The following ROCK2 variants were observed in gnomAD, a reference collection of about 807,000 sequenced individuals.
The protein encoded by ROCK2 is rho-associated protein kinase 2.
A neutral mutation model predicts 195.1 loss-of-function variants in ROCK2; 61 were observed. That is an observed-to-expected ratio of 0.31 (90% CI 0.25 to 0.39). The LOEUF is 0.39. Ranked by LOEUF, ROCK2 falls within the 10% of genes least tolerant of loss-of-function variation. The pLI, the probability that ROCK2 is intolerant of heterozygous loss-of-function variation, is 1.00. For synonymous variants in ROCK2, 504 were observed against 545.5 expected (o/e 0.92, Z 1.06); for missense variants, 1,109 against 1,637.4 (o/e 0.68, Z 5.57).
chr2:11,183,441 C>A lies in ROCK2; in HGVS notation c.4164-1G>T. The stretch of plus-strand genomic sequence containing the variant: ...GACTGCTTTCATAGAAGGCAGTTAG[C>A]TGAAAAGAAAGGAAAAATAAAGTTA... On this transcript the variant is annotated splice_acceptor_variant, in intron 32 of 32. Coordinates refer to ENST00000315872, the MANE Select transcript of ROCK2 (RefSeq NM_004850.5). LOFTEE classifies it high-confidence loss of function. 1 of 1,592,598 alleles carries A rather than the reference C, an allele frequency of 6.3e-7. No individual in the cohort carries two copies. Among genetic ancestry groups the A allele is most frequent in the Non-Finnish European group, 8.6e-7 (1 of 1,165,644 alleles).
chr2:11,306,824 T>TC (rs749671341), intron 1 of ROCK2, among the ~76,000 whole-genome samples: 4 of 152,126 alleles, frequency 2.6e-5, no homozygotes, highest in Non-Finnish European at 4.4e-5. Context: ...AGCCAGCTAA[T>TC]ACAGCAAGAA....
intron 3 of ROCK2, 31 bp from the exon 4 acceptor site, chr2:11,249,829 A>C (rs762699658): frequency 2.8e-6 from 4 of 1,435,256 alleles, no homozygotes; most frequent in Non-Finnish European, 3.7e-6. Context: ...AAAAATTAAT[A>C]CTTTCATGTT....
chr2:11,264,908 A>C (rs1342250702), intron 3 of ROCK2, among the ~76,000 whole-genome samples: 1 of 152,222 alleles, frequency 6.6e-6, no homozygotes, highest in African/African-American at 2.4e-5. Context: ...GGTGAAGTCT[A>C]TATTTATTGA....
intron 1 of ROCK2, among the ~76,000 whole-genome samples, chr2:11,341,584 T>A (rs1159969568): frequency 6.6e-6 from 1 of 152,202 alleles, no homozygotes. Flanking sequence ...TCTTCTTTTG[T>A]CATCTTAGGT....
At chr2:11,231,100 C>G (rs1045187316) in intron 5 of ROCK2, among the ~76,000 whole-genome samples, 2 of 151,686 alleles carry the variant, frequency 1.3e-5, no homozygotes, top group African/African-American at 4.8e-5. Flanking sequence ...GAAAAGCTAC[C>G]AGTTAGCTTT....
chr2:11,288,298 T>C (rs1390929447), intron 1 of ROCK2, among the ~76,000 whole-genome samples: 1 of 152,130 alleles, frequency 6.6e-6, no homozygotes, highest in Non-Finnish European at 1.5e-5. Context: ...GAACATGCAT[T>C]AAAACAGAAA....
chr2:11,338,425 TA>T (rs1668999302), intron 1 of ROCK2, among the ~76,000 whole-genome samples: 1 of 151,874 alleles, frequency 6.6e-6, no homozygotes, highest in African/African-American at 2.4e-5. Context: ...GGATCAAAAA[TA>T]ATTTGGAAAA....
At chr2:11,233,087 G>C (rs544069090) in intron 5 of ROCK2, among the ~76,000 whole-genome samples, 1 of 151,850 alleles carries the variant, frequency 6.6e-6, no homozygotes, top group Non-Finnish European at 1.5e-5. Flanking sequence ...GGTGGTGTAC[G>C]CCTGTTGTCC....
chr2:11,234,021 G>C (rs1665116522), intron 5 of ROCK2: 1 of 152,038 alleles, frequency 6.6e-6, no homozygotes, highest in African/African-American at 2.4e-5. Flanking sequence ...ACTAAAATTA[G>C]AATGATACAG....
rs1572436824 is a variant in ROCK2, at chr2:11,344,380, C to T, written c.-244G>A. The T allele has an allele frequency of 3.5e-6, 4 of 1,140,924 alleles. No individual in the cohort carries two copies. In the East Asian group the frequency reaches 1.7e-4, roughly 49 times the overall value. The allele number at this position is 1,140,924 out of a possible 1,614,324, so 70.7% of individuals were successfully genotyped here. On this transcript the variant is annotated 5_prime_UTR_variant, in exon 1 of 33. Transcript: ENST00000315872. This position sits in a 1 kb window ranked among gnomAD's most constrained non-coding sequence, Gnocchi z 5.4. ...GGGAGCGGCGGGGAACAGACGGCGTCCCCGCCCCTCAGTCAGATTCGCGCC... is the reference window on the plus strand; with the variant it reads ...GGGAGCGGCGGGGAACAGACGGCGTTCCCGCCCCTCAGTCAGATTCGCGCC...
At position 11,198,460 on chromosome 2, in the gene ROCK2, C is replaced by A. The variant is rs375383330; in HGVS notation, c.3099+31G>T. ...AAAAGAGATAAACTGAGACAAAATT[C>A]AAAATCATATTTAGATTCTATTATA... On this transcript the variant is annotated intron_variant, in intron 25 of 32. Coordinates refer to ENST00000315872, the MANE Select transcript of ROCK2 (RefSeq NM_004850.5). 2.1e-5 allele frequency: 31 copies of A among 1,454,582 alleles called. No individual in the cohort carries two copies. The African/African-American group carries it at 3.5e-4, about 16-fold the overall frequency. 90.1% of individuals were successfully genotyped at this position (1,454,582 alleles called of 1,614,324 possible).
intron 1 of ROCK2, among the ~76,000 whole-genome samples, chr2:11,289,564 G>T (rs573155002): frequency 5.3e-5 from 8 of 152,150 alleles, no homozygotes; most frequent in African/African-American, 1.7e-4. Flanking sequence ...CAAGGAAAAG[G>T]CTTCTATTGC....
chr2:11,298,557 TA>T (rs1667608879), intron 1 of ROCK2, among the ~76,000 whole-genome samples: 1 of 150,986 alleles, frequency 6.6e-6, no homozygotes, highest in Admixed American at 6.6e-5. Flanking sequence ...CATTTTCACA[TA>T]CCTTTTCTAA....
chr2:11,304,405 C>G (rs1572385534), intron 1 of ROCK2, among the ~76,000 whole-genome samples: 1 of 152,166 alleles, frequency 6.6e-6, no homozygotes, highest in South Asian at 2.1e-4. Context: ...CTCTCAAGAG[C>G]CCAAATCCTA....
intron 3 of ROCK2, among the ~76,000 whole-genome samples, chr2:11,266,166 C>A (rs1380120859): frequency 6.6e-6 from 1 of 152,198 alleles, no homozygotes; most frequent in East Asian, 1.9e-4. Flanking sequence ...CCTATGGTAA[C>A]AATGCCTTCT....
rs1668237737 is a variant in ROCK2, at chr2:11,317,576, T to TTATATATCTATATATATATA, written c.141+26419_141+26420insTATATATATATAGATATATA. Among the ~76,000 whole-genome samples the TTATATATCTATATATATATA allele has an allele frequency of 6.1e-4, 18 of 29,578 alleles. 3 individuals carry two copies. Among genetic ancestry groups the TTATATATCTATATATATATA allele is most frequent in the African/African-American group, 2.8e-3 (18 of 6,430 alleles). 19.4% of individuals were successfully genotyped at this position (29,578 alleles called of 152,430 possible). On this transcript the variant is annotated intron_variant, in intron 1 of 32. Coordinates refer to ENST00000315872, the MANE Select transcript of ROCK2 (RefSeq NM_004850.5). ...TTTAAAGCCGCCCTGATCTACACAT[T>TTATATATCTATATATATATA]TATATATATATATATATATATATAT...
At position 11,249,842 on chromosome 2, in the gene ROCK2, G is replaced by T. The variant is rs370856804; in HGVS notation, c.325-44C>A. ...ACAAAAATTAATACTTTCATGTTAT[G>T]AGAGAAAGGTAAATAGATGATACTA... On this transcript the variant is annotated intron_variant, in intron 3 of 32. Coordinates refer to ENST00000315872, the MANE Select transcript of ROCK2 (RefSeq NM_004850.5). The T allele has an allele frequency of 8.6e-5, 120 of 1,391,902 alleles. No individual in the cohort carries two copies. The African/African-American group carries it at 1.7e-3, about 19-fold the overall frequency. The allele number at this position is 1,391,902 out of a possible 1,614,324, so 86.2% of individuals were successfully genotyped here.
At chr2:11,330,837 AGGGAGGAGGAGGGGGAGGAAGAGGGAGG>A (rs1668712876) in intron 1 of ROCK2, among the ~76,000 whole-genome samples, 1 of 2,984 alleles carries the variant, frequency 3.4e-4, no homozygotes, top group Non-Finnish European at 9.1e-4. Context: ...GGGGAGGAAG[AGGGAGGAGGAGGGGGAGGAAGAGGGAGG>A]AGGAGGGAGG....
chr2:11,222,015 C>CA, intron 8 of ROCK2, 68 bp downstream of exon 8: 1 of 903,170 alleles, frequency 1.1e-6, no homozygotes. Flanking sequence ...CTTGTTATTT[C>CA]AAAAAAGGAA....
Sources: allele counts gnomAD v4.1 joint callset (sites outside exome capture counted in the v4.1 genomes callset), GRCh38; gene constraint gnomAD v4.1.1; non-coding constraint Gnocchi (gnomAD v3.1); transcripts MANE v1.5; gene names NCBI Gene and HGNC (gene_info 2026-07-23, HGNC 2026-07-21).